Variants in SAMTOR observed in about 807,000 individuals in gnomAD.
SAMTOR encodes UPF0532 protein C7orf60.
the SAMTOR span, among the ~76,000 whole-genome samples, chr7:112,895,233 T>G: frequency 6.6e-6 from 1 of 151,156 alleles, no homozygotes; most frequent in Non-Finnish European, 1.5e-5. Context: ...AATACTATTA[T>G]ATAACAATTA....
chr7:112,914,749 A>G, the SAMTOR span, among the ~76,000 whole-genome samples: 1 of 152,224 alleles, frequency 6.6e-6, no homozygotes, highest in Non-Finnish European at 1.5e-5. Context: ...TATGTATTAA[A>G]TGCATTTAAA....
the SAMTOR span, among the ~76,000 whole-genome samples, chr7:112,829,980 A>C: frequency 6.6e-6 from 1 of 152,144 alleles, no homozygotes. Context: ...CTGAGTATTC[A>C]AAGGGGACCT....
chr7:112,869,815 A>G, the SAMTOR span, among the ~76,000 whole-genome samples: 21 of 152,204 alleles, frequency 1.4e-4, no homozygotes, highest in African/African-American at 5.1e-4. Flanking sequence ...TCAACAGAAA[A>G]CAGAAAAATG....
At chr7:112,900,749 A>T in the SAMTOR span, among the ~76,000 whole-genome samples, 1 of 152,234 alleles carries the variant, frequency 6.6e-6, no homozygotes, top group Admixed American at 6.5e-5. Context: ...TATGGTCAAC[A>T]GATCTTTGAA....
chr7:112,828,928 G>A, the SAMTOR span, among the ~76,000 whole-genome samples: 6 of 151,986 alleles, frequency 3.9e-5, no homozygotes, highest in African/African-American at 1.5e-4. Context: ...ACAATTTCTG[G>A]GAGCTTTTAA....
At chr7:112,853,688 C>G in the SAMTOR span, among the ~76,000 whole-genome samples, 1 of 152,086 alleles carries the variant, frequency 6.6e-6, no homozygotes, top group Non-Finnish European at 1.5e-5. Context: ...GAGGCATTCT[C>G]TAGAGTCAGT....
the SAMTOR span, among the ~76,000 whole-genome samples, chr7:112,930,880 T>TA: frequency 6.6e-6 from 1 of 152,328 alleles, no homozygotes; most frequent in East Asian, 1.9e-4. Context: ...AGTCAAAAGC[T>TA]AAAGTCATGC....
At chr7:112,838,915 A>C in the SAMTOR span, among the ~76,000 whole-genome samples, 1 of 151,736 alleles carries the variant, frequency 6.6e-6, no homozygotes, top group African/African-American at 2.4e-5. Flanking sequence ...GAGGGAAAAA[A>C]CCCTGCAGTG....
chr7:112,931,143 G>A, the SAMTOR span, among the ~76,000 whole-genome samples: 3 of 152,182 alleles, frequency 2.0e-5, no homozygotes, highest in African/African-American at 7.2e-5. Context: ...TAACTGGTCT[G>A]GAGTGGCAAC....
chr7:112,884,360 A>C, the SAMTOR span, among the ~76,000 whole-genome samples: 3 of 152,146 alleles, frequency 2.0e-5, no homozygotes, highest in Non-Finnish European at 2.9e-5. Context: ...TTATTAACCC[A>C]AAAGTCCAAG....
At chr7:112,821,808 C>A in the SAMTOR span, 1 of 1,613,396 alleles carries the variant, frequency 6.2e-7, no homozygotes, top group Non-Finnish European at 8.5e-7. Flanking sequence ...TTGACTTTCT[C>A]CAGAATCTGA....
At chr7:112,827,328 T>C in the SAMTOR span, among the ~76,000 whole-genome samples, 1 of 152,250 alleles carries the variant, frequency 6.6e-6, no homozygotes, top group Non-Finnish European at 1.5e-5. Context: ...CTATTTATTT[T>C]CTACTTGTCT....
chr7:112,882,955 T>G, the SAMTOR span, among the ~76,000 whole-genome samples: 1 of 152,138 alleles, frequency 6.6e-6, no homozygotes, highest in East Asian at 1.9e-4. Context: ...AAGAGGATAT[T>G]AAAAAATCAC....
chr7:112,921,987 G>A, the SAMTOR span, among the ~76,000 whole-genome samples: 7 of 149,070 alleles, frequency 4.7e-5, no homozygotes, highest in African/African-American at 1.3e-4. Flanking sequence ...CGCTCCCCAC[G>A]GTCTCCCTCT....
At chr7:112,830,880 CTTT>C in the SAMTOR span, among the ~76,000 whole-genome samples, 2 of 142,364 alleles carry the variant, frequency 1.4e-5, no homozygotes, top group Non-Finnish European at 3.1e-5. Flanking sequence ...GCTTTAAATA[CTTT>C]TTTTTTTTTT....
At chr7:112,853,606 G>A in the SAMTOR span, among the ~76,000 whole-genome samples, 1 of 151,992 alleles carries the variant, frequency 6.6e-6, no homozygotes, top group Non-Finnish European at 1.5e-5. Context: ...AGAAAACCTG[G>A]CAATATTTAC....
the SAMTOR span, among the ~76,000 whole-genome samples, chr7:112,909,243 G>A: frequency 6.6e-6 from 1 of 152,138 alleles, no homozygotes; most frequent in Non-Finnish European, 1.5e-5. Context: ...AATAAAGCCT[G>A]CACTGCTTGA....
the SAMTOR span, among the ~76,000 whole-genome samples, chr7:112,917,859 T>C: frequency 6.6e-6 from 1 of 151,890 alleles, no homozygotes; most frequent in East Asian, 1.9e-4. Context: ...TGATGGAAGA[T>C]GAAATGAATG....
the SAMTOR span, among the ~76,000 whole-genome samples, chr7:112,888,249 A>G: frequency 8.5e-5 from 13 of 152,110 alleles, no homozygotes; most frequent in African/African-American, 2.9e-4. Flanking sequence ...GTTCTCTGTT[A>G]CTGATTTCTA....
Sources: allele counts gnomAD v4.1 joint callset (sites outside exome capture counted in the v4.1 genomes callset), GRCh38; gene constraint gnomAD v4.1.1; transcripts MANE v1.5; gene names NCBI Gene and HGNC (gene_info 2026-07-23, HGNC 2026-07-21).